Variants in SLC10A6 observed in about 807,000 individuals in gnomAD.
SLC10A6 encodes the protein sodium-dependent organic anion transporter.
In SLC10A6, 27 loss-of-function variants were observed where a neutral mutation model predicts 30.0. That is an observed-to-expected ratio of 0.90 (90% CI 0.66 to 1.24). The LOEUF is 1.24. Among genes scored for constraint, SLC10A6 ranks in the 50% most tolerant of loss-of-function variants. The pLI is 0.00. For missense variants in SLC10A6, 439 were observed against 457.0 expected (o/e 0.96, Z 0.36); for synonymous variants, 166 against 173.8 (o/e 0.95, Z 0.36).
intron 5 of SLC10A6, 117 bp downstream of exon 5, chr4:86,825,303 C>G (rs1745959691): frequency 5.4e-6 from 5 of 926,364 alleles, no homozygotes; most frequent in Non-Finnish European, 3.2e-6. Context: ...AAATGTCAGG[C>G]TTTCAAAAAG....
intron 1 of SLC10A6, among the ~76,000 whole-genome samples, chr4:86,839,634 G>A (rs1487194097): frequency 1.3e-5 from 2 of 152,000 alleles, no homozygotes; most frequent in Non-Finnish European, 2.9e-5. Flanking sequence ...TTAACCATAG[G>A]TCAGTTGCTT....
chr4:86,844,187 C>G (rs1297071091), intron 1 of SLC10A6, among the ~76,000 whole-genome samples: 3 of 151,900 alleles, frequency 2.0e-5, no homozygotes, highest in African/African-American at 7.3e-5. Context: ...CAAAAAAAAT[C>G]AAAATAAAAA....
intron 1 of SLC10A6, among the ~76,000 whole-genome samples, chr4:86,835,299 G>T (rs1746160991): frequency 6.6e-6 from 1 of 152,144 alleles, no homozygotes; most frequent in African/African-American, 2.4e-5. Context: ...CACAGAGAAA[G>T]GGAACTGATG....
intron 1 of SLC10A6, among the ~76,000 whole-genome samples, chr4:86,840,184 G>A (rs1247488779): frequency 6.6e-6 from 1 of 151,788 alleles, no homozygotes; most frequent in African/African-American, 2.4e-5. Context: ...CTCCCAAAGT[G>A]TTGGGATTAC....
intron 1 of SLC10A6, among the ~76,000 whole-genome samples, chr4:86,842,353 C>T (rs755166804): frequency 3.0e-4 from 45 of 152,174 alleles, no homozygotes; most frequent in Admixed American, 7.2e-4. Flanking sequence ...TACATCCTTA[C>T]GGAAGAATGG....
At chr4:86,827,958 T>C (rs758417849) in intron 4 of SLC10A6, 35 bp downstream of exon 4, 39 of 1,593,770 alleles carry the variant, frequency 2.4e-5, no homozygotes, top group Non-Finnish European at 3.1e-5. Flanking sequence ...TAAATTTACC[T>C]TCCTCAAAAA....
At chr4:86,837,225 G>A (rs201494318) in intron 1 of SLC10A6, among the ~76,000 whole-genome samples, 1,231 of 38,920 alleles carry the variant, frequency 0.032, 46 homozygotes, top group African/African-American at 0.069. Context: ...GAGAGAGAGA[G>A]AGAAAGAAAG....
At chr4:86,830,591 T>A (rs1746061575) in intron 3 of SLC10A6, among the ~76,000 whole-genome samples, 1 of 152,148 alleles carries the variant, frequency 6.6e-6, no homozygotes, top group African/African-American at 2.4e-5. Context: ...GCAAGCCCTC[T>A]CCTCTCATTC....
At position 86,842,047 on chromosome 4, in the gene SLC10A6, A is replaced by G. The variant is rs1435687509; in HGVS notation, c.377+6692T>C. On this transcript the variant is annotated intron_variant, in intron 1 of 5. Transcript: ENST00000273905. ...CATCTACATAATAACTCTATGTGTG[A>G]GTATTATTTTCATTGTATAGATAAG... 2.6e-5 allele frequency among the ~76,000 whole-genome samples: 4 copies of G among 152,208 alleles called. No individual in the cohort carries two copies. In the East Asian group the frequency reaches 7.7e-4, roughly 29 times the overall value.
At chr4:86,828,784 A>G (rs1164651467) in intron 3 of SLC10A6, among the ~76,000 whole-genome samples, 1 of 152,202 alleles carries the variant, frequency 6.6e-6, no homozygotes, top group Non-Finnish European at 1.5e-5. Flanking sequence ...TTGTTTAACA[A>G]GAACAGAAAC....
In SLC10A6 at chr4:86,825,470, G is replaced by C. The variant is rs1445545797; in HGVS notation, c.869C>G (p.Pro290Arg). Residue 290 changes from proline (P) to arginine (R), a missense_variant, in exon 5 of 6, where the codon CCA becomes CGA. Pro to Arg is a moderately radical substitution (Grantham distance 103). Transcript: ENST00000273905. ...AEHLVQMLSF[P>R]LAYGLFQLID... ...CAGCTGGAAGAGTCCATAGGCCAGT[G>C]GGAAACTCAACATCTGGACCAAGTG... 3 of 1,612,178 alleles carry C rather than the reference G, an allele frequency of 1.9e-6. No individual in the cohort carries two copies. The South Asian group carries it at 3.3e-5, about 18-fold the overall frequency.
At chr4:86,827,386 T>G (rs1746014227) in intron 4 of SLC10A6, among the ~76,000 whole-genome samples, 1 of 152,166 alleles carries the variant, frequency 6.6e-6, no homozygotes, top group Admixed American at 6.5e-5. Flanking sequence ...AAGCTTGTAG[T>G]AAGAAGTAAA....
chr4:86,826,184 C>T (rs1406881458), intron 4 of SLC10A6, among the ~76,000 whole-genome samples: 1 of 152,108 alleles, frequency 6.6e-6, no homozygotes, highest in Non-Finnish European at 1.5e-5. Flanking sequence ...AATTCAAGAC[C>T]ACCCTGGGCA....
At chr4:86,845,437 T>C (rs999602599) in intron 1 of SLC10A6, among the ~76,000 whole-genome samples, 1 of 152,198 alleles carries the variant, frequency 6.6e-6, no homozygotes, top group African/African-American at 2.4e-5. Flanking sequence ...ACCAATTTAG[T>C]AGGTGTTGAG....
At chr4:86,847,831 A>G (rs533318655) in intron 1 of SLC10A6, among the ~76,000 whole-genome samples, 1 of 152,334 alleles carries the variant, frequency 6.6e-6, no homozygotes, top group South Asian at 2.1e-4. Context: ...TTAAATTTAT[A>G]AGCAGTTCTT....
intron 1 of SLC10A6, among the ~76,000 whole-genome samples, chr4:86,835,860 G>A (rs192288557): frequency 5.1e-4 from 77 of 152,272 alleles, no homozygotes; most frequent in Admixed American, 4.1e-3. Flanking sequence ...AAATGATGGT[G>A]TGATATACAA....
chr4:86,831,388 T>TCCTACTCTTCCAA (rs1387104587), intron 3 of SLC10A6, among the ~76,000 whole-genome samples: 3 of 152,192 alleles, frequency 2.0e-5, no homozygotes, highest in Non-Finnish European at 2.9e-5. Context: ...CAGCCCTTCC[T>TCCTACTCTTCCAA]CCTACTCTTC....
intron 1 of SLC10A6, among the ~76,000 whole-genome samples, chr4:86,843,291 T>C (rs1203129168): frequency 6.6e-6 from 1 of 152,098 alleles, no homozygotes; most frequent in East Asian, 1.9e-4. Flanking sequence ...CAAGCAAAGA[T>C]GAGCAAGCCT....
chr4:86,827,854 T>C (rs1746021667), intron 4 of SLC10A6, 139 bp downstream of exon 4: 1 of 688,702 alleles, frequency 1.5e-6, no homozygotes. Flanking sequence ...AATGACCCTC[T>C]TTTATGCTTA....
Sources: gnomAD v4.1 joint callset for allele counts (sites outside exome capture counted in the v4.1 genomes callset) on GRCh38, gnomAD v4.1.1 for gene constraint, MANE v1.5 for transcripts, NCBI Gene and HGNC (gene_info 2026-07-23, HGNC 2026-07-21) for gene names.